The following UBE2O variants were observed in gnomAD, a reference collection of about 807,000 sequenced individuals.
The protein encoded by UBE2O is ubiquitin conjugating enzyme E2 O.
In UBE2O, 15 loss-of-function variants were observed where a neutral mutation model predicts 125.8. The observed-to-expected ratio is 0.12, with a 90% CI of 0.08 to 0.18. UBE2O has a LOEUF of 0.18. Among genes scored for constraint, UBE2O ranks in the 10% least tolerant of loss-of-function variants. UBE2O has a pLI of 1.00. For synonymous variants in UBE2O, 708 were observed against 703.2 expected, an observed-to-expected ratio of 1.01 and a Z score of -0.11; for missense variants, 1,280 against 1,723.6, an observed-to-expected ratio of 0.74 and a Z score of 4.56.
Position 76,452,835 on chromosome 17 carries a change from C to A in UBE2O, c.307G>T (p.Glu103Ter). Residue 103 changes from glutamate (E) to a stop codon, truncating the protein, a stop_gained, in exon 1 of 18, where the codon GAG (glutamate) becomes TAG (stop). Transcript: ENST00000319380. LOFTEE classifies it high-confidence loss of function. The surrounding 1 kb of genome is among the most constrained non-coding windows in gnomAD (Gnocchi z 4.4). ...EEGRGSSGCS[E>*]AGGAGHEEGR... Reference sequence around the variant, plus strand: ...TCCTCGTGGCCCGCGCCCCCGGCCTCGGAGCACCCCGAGCTCCCGCGGCCC... The same window carrying A: ...TCCTCGTGGCCCGCGCCCCCGGCCTAGGAGCACCCCGAGCTCCCGCGGCCC... The A allele has an allele frequency of 6.7e-7, 1 of 1,503,572 alleles. No homozygotes were observed. The allele number at this position is 1,503,572 out of a possible 1,614,324, so 93.1% of individuals were successfully genotyped here. A position where few individuals can be genotyped will look rare whatever the true frequency, so the allele number is the denominator to read the frequency against.
Position 76,399,202 on chromosome 17 carries a change from C to G in UBE2O, c.1629-211G>C, listed in dbSNP as rs544441400. 1.3e-4 allele frequency: 101 copies of G among 753,516 alleles called. 7 individuals are homozygous for G. Among genetic ancestry groups the G allele is most frequent in the Non-Finnish European group, 1.7e-5 (8 of 476,390 alleles). 46.7% of individuals were successfully genotyped at this position (753,516 alleles called of 1,614,324 possible). On this transcript the variant is annotated intron_variant, in intron 9 of 17. Coordinates refer to ENST00000319380, the MANE Select transcript of UBE2O (RefSeq NM_022066.4). The surrounding 1 kb of genome is among the most constrained non-coding windows in gnomAD (Gnocchi z 6.9). ...AGAACAGGATCCACTTGGGAGAGCT[C>G]AGGCAAATGTGGTTCCAGAAGGCCA...
intron 15 of UBE2O, 119 bp from the exon 16 acceptor site, chr17:76,392,232 G>A: frequency 8.2e-6 from 5 of 606,486 alleles, no homozygotes; most frequent in Non-Finnish European, 1.3e-5. Context: ...CACGCAGGAA[G>A]AGCAGCACCT....
intron 1 of UBE2O, among the ~76,000 whole-genome samples, chr17:76,448,194 G>C (rs566444042): frequency 6.6e-5 from 10 of 152,324 alleles, no homozygotes; most frequent in African/African-American, 2.2e-4. Flanking sequence ...CCGAGGGCTA[G>C]AAGGGGAAAA....
At chr17:76,438,021 CCT>C in intron 1 of UBE2O, among the ~76,000 whole-genome samples, 1 of 152,296 alleles carries the variant, frequency 6.6e-6, no homozygotes, top group Non-Finnish European at 1.5e-5. Context: ...CCTCCCCACT[CCT>C]CTGTCCACAC....
Position 76,397,824 on chromosome 17 carries a change from T to G in UBE2O, c.2090A>C (p.Asn697Thr), listed in dbSNP as rs547095247. 6.2e-7 allele frequency: 1 copy of G among 1,614,114 alleles called. No individual in the cohort carries two copies. Among genetic ancestry groups the G allele is most frequent in the East Asian group, 2.2e-5 (1 of 44,880 alleles). ...CTGGGGCAGGATGATGGTCTTTGAG[T>G]TGTCAGCCCACACCACCTCCACCTT... ...SSKVEVVWAD[N>T]SKTIILPQHL... Residue 697 changes from asparagine to threonine, a missense_variant, in exon 13 of 18, where the codon AAC becomes ACC. This residue lies in a region of UBE2O where 210 missense variants were observed against 268.9 expected (regional missense o/e 0.78). Coordinates refer to ENST00000319380, the MANE Select transcript of UBE2O (RefSeq NM_022066.4).
chr17:76,418,625 A>G (rs956980740), intron 1 of UBE2O, among the ~76,000 whole-genome samples: 1 of 149,594 alleles, frequency 6.7e-6, no homozygotes, highest in African/African-American at 2.5e-5. Context: ...GCTGGAGTGC[A>G]GTGGCGCGAT....
intron 1 of UBE2O, among the ~76,000 whole-genome samples, chr17:76,416,846 C>T (rs371627144): frequency 1.3e-5 from 2 of 152,320 alleles, no homozygotes. Context: ...AAACAGGACT[C>T]AAATACTAAC....
rs1362669779 is a variant in UBE2O at position 76,390,904 on chromosome 17, C to A, written c.*39G>T. The A allele has an allele frequency of 5.8e-6, 9 of 1,546,982 alleles. No homozygotes were observed. Among genetic ancestry groups the A allele is most frequent in the Non-Finnish European group, 7.0e-6 (8 of 1,147,868 alleles). On this transcript the variant is annotated 3_prime_UTR_variant, in exon 18 of 18. Coordinates refer to ENST00000319380, the MANE Select transcript of UBE2O (RefSeq NM_022066.4). Reference sequence around the variant, plus strand: ...GGGGGAGTGAGCAGGCGGCGGCTGGCCTCTCCCACGGTGATGCTCTTTCCT... The same window carrying A: ...GGGGGAGTGAGCAGGCGGCGGCTGGACTCTCCCACGGTGATGCTCTTTCCT...
At chr17:76,422,576 C>T (rs910455379) in intron 1 of UBE2O, among the ~76,000 whole-genome samples, 10 of 152,224 alleles carry the variant, frequency 6.6e-5, no homozygotes, top group African/African-American at 2.2e-4. Context: ...GACGGAGGTT[C>T]CATCTGCAAT....
intron 1 of UBE2O, among the ~76,000 whole-genome samples, chr17:76,447,768 T>TC (rs1396058462): frequency 5.3e-5 from 8 of 152,078 alleles, no homozygotes; most frequent in Admixed American, 2.6e-4. Flanking sequence ...ACAACCACCT[T>TC]CCCCACAACC....
At chr17:76,407,939 G>A (rs1025686314) in intron 1 of UBE2O, among the ~76,000 whole-genome samples, 1 of 152,182 alleles carries the variant, frequency 6.6e-6, no homozygotes, top group African/African-American at 2.4e-5. Flanking sequence ...CAGAGTGGGA[G>A]CGACAAGGGG....
At chr17:76,429,830 T>C (rs543974144) in intron 1 of UBE2O, among the ~76,000 whole-genome samples, 34 of 152,308 alleles carry the variant, frequency 2.2e-4, no homozygotes, top group African/African-American at 7.0e-4. Context: ...CAGACGTTCA[T>C]GAATCCCTCT....
intron 1 of UBE2O, among the ~76,000 whole-genome samples, chr17:76,416,760 A>G (rs1567843763): frequency 6.6e-6 from 1 of 152,080 alleles, no homozygotes; most frequent in Non-Finnish European, 1.5e-5. Context: ...AGGTCCTAAG[A>G]CCCTCAACTG....
chr17:76,442,808 C>T (rs1162835617), intron 1 of UBE2O, among the ~76,000 whole-genome samples: 3 of 152,082 alleles, frequency 2.0e-5, no homozygotes, highest in Admixed American at 6.6e-5. Flanking sequence ...TTGGCGGCAG[C>T]GCTGTTCACT....
At position 76,391,155 on chromosome 17, in the gene UBE2O, C is replaced by T. The variant is rs139277198; in HGVS notation, c.3667G>A (p.Ala1223Thr). 1.5e-4 allele frequency: 247 copies of T among 1,613,434 alleles called. 3 individuals carry two copies. The African/African-American group carries it at 2.6e-3, about 17-fold the overall frequency. Reference protein sequence around the residue: ...RDHTDQTSETAPDASVPPSVK... With the variant: ...RDHTDQTSETTPDASVPPSVK... ...CTGGGTGGCACCGATGCGTCTGGTGCGGTCTCCGAAGTCTGGTCTGTGTGG... is the reference window on the plus strand; with the variant it reads ...CTGGGTGGCACCGATGCGTCTGGTGTGGTCTCCGAAGTCTGGTCTGTGTGG... The change falls in exon 18 of 18, where the codon GCA (alanine) becomes ACA (threonine). Residue 1223 changes from alanine to threonine, a missense_variant. Ala to Thr is a moderately conservative substitution (Grantham distance 58, BLOSUM62 0). Transcript: ENST00000319380. This position sits in a 1 kb window ranked among gnomAD's most constrained non-coding sequence, Gnocchi z 8.4.
intron 1 of UBE2O, among the ~76,000 whole-genome samples, chr17:76,441,494 C>T (rs2073074645): frequency 6.6e-6 from 1 of 152,130 alleles, no homozygotes; most frequent in African/African-American, 2.4e-5. Flanking sequence ...TTAACACTGG[C>T]ACTAGAAGAA....
intron 1 of UBE2O, among the ~76,000 whole-genome samples, chr17:76,439,993 A>T (rs1164806706): frequency 6.6e-6 from 1 of 152,176 alleles, no homozygotes; most frequent in East Asian, 1.9e-4. Context: ...AATCTCTCCT[A>T]GCACCTACTT....
rs565384919 is a variant in UBE2O at position 76,391,000 on chromosome 17, C to T, written c.3822G>A (p.Thr1274=). Residue 1274 remains threonine (T), a synonymous_variant, in exon 18 of 18, where the codon ACG becomes ACA. Transcript: ENST00000319380. ...CCTCTAGCAGGGCAGCCCGGAACTG[C>T]GTCAGGACACCCCGGATGCTCTTGA... The part of the protein sequence containing the change: ...GFIKSIRGVL[T]QFRAALLEAG... 36 of 1,613,576 alleles carry T rather than the reference C, an allele frequency of 2.2e-5. No individual in the cohort carries two copies. The highest frequency in any genetic ancestry group is 1.5e-4 in the Admixed American group (9 of 60,008).
In UBE2O at chr17:76,395,906, G is replaced by A. The variant is rs761119087; in HGVS notation, c.2810-45C>T. On this transcript the variant is annotated intron_variant, in intron 14 of 17. Coordinates refer to ENST00000319380, the MANE Select transcript of UBE2O (RefSeq NM_022066.4). This position sits in a 1 kb window ranked among gnomAD's most constrained non-coding sequence, Gnocchi z 5.0. ...AGTCAGTCCCTCATGGAGAGGCCCT[G>A]GAGCTCCATCTGCCAACCTGGCTGG... 3 of 1,610,834 alleles carry A rather than the reference G, an allele frequency of 1.9e-6. No individual in the cohort carries two copies. In the South Asian group the frequency reaches 3.3e-5, roughly 18 times the overall value.
Sources: allele counts gnomAD v4.1 joint callset (sites outside exome capture counted in the v4.1 genomes callset), GRCh38; gene constraint gnomAD v4.1.1; regional missense constraint gnomAD v4.1.1; non-coding constraint Gnocchi (gnomAD v3.1); transcripts MANE v1.5; gene names NCBI Gene and HGNC (gene_info 2026-07-23, HGNC 2026-07-21).